The following FAM227B variants were observed in gnomAD, a reference collection of about 807,000 sequenced individuals.
FAM227B encodes the protein protein FAM227B.
FAM227B carries 88 observed loss-of-function variants against 73.8 expected under a neutral mutation model. That is an observed-to-expected ratio of 1.19 (90% CI 1.00 to 1.42). FAM227B has a LOEUF of 1.42. FAM227B is among the 40% of genes most tolerant of loss of function. The pLI is 0.00. For missense variants in FAM227B, 632 were observed against 590.9 expected, an observed-to-expected ratio of 1.07 and a Z score of -0.72; for synonymous variants, 210 against 190.5, an observed-to-expected ratio of 1.10 and a Z score of -0.84.
At chr15:49,341,367 G>A (rs1173467266) in intron 13 of FAM227B, among the ~76,000 whole-genome samples, 2 of 152,082 alleles carry the variant, frequency 1.3e-5, no homozygotes, top group Non-Finnish European at 2.9e-5. Context: ...TAACAATATT[G>A]ATTCTTCCAA....
At chr15:49,409,982 A>G (rs1340496052) in intron 11 of FAM227B, among the ~76,000 whole-genome samples, 1 of 152,138 alleles carries the variant, frequency 6.6e-6, no homozygotes, top group African/African-American at 2.4e-5. Flanking sequence ...AGGATCATTC[A>G]GGCTCTAGTA....
intron 11 of FAM227B, among the ~76,000 whole-genome samples, chr15:49,500,224 T>C (rs1052260750): frequency 6.6e-6 from 1 of 152,090 alleles, no homozygotes; most frequent in Non-Finnish European, 1.5e-5. Context: ...ACTAACTAAA[T>C]AAATAAGCAT....
Position 49,394,925 on chromosome 15 carries a change from C to T in FAM227B, c.1013-23526G>A, listed in dbSNP as rs528339172. On this transcript the variant is annotated intron_variant, in intron 11 of 15. Transcript: ENST00000299338. ...TAATACACACACACAAACACACACA[C>T]GCATGCCAAACTTACAAATGTTCTC... Among the ~76,000 whole-genome samples, 3 of 152,242 alleles carry T rather than the reference C, an allele frequency of 2.0e-5. No individual in the cohort carries two copies. The East Asian group carries it at 5.8e-4, about 29-fold the overall frequency.
chr15:49,331,897 A>G (rs368439889), intron 14 of FAM227B, 48 bp from the exon 15 acceptor site: 2 of 1,073,186 alleles, frequency 1.9e-6, no homozygotes, highest in African/African-American at 3.1e-5. Context: ...TTGTCCTTAT[A>G]TTGACACCAT....
intron 11 of FAM227B, among the ~76,000 whole-genome samples, chr15:49,441,966 A>G (rs886345868): frequency 3.3e-5 from 5 of 151,598 alleles, no homozygotes; most frequent in Non-Finnish European, 3.0e-5. Context: ...CTGTCTGGCT[A>G]GAGCTCCTTG....
chr15:49,329,138 C>A, intron 15 of FAM227B: 1 of 989,614 alleles, frequency 1.0e-6, no homozygotes, highest in Non-Finnish European at 1.2e-6. Flanking sequence ...TATATATGCA[C>A]CCCATTGTAA....
chr15:49,561,539 T>C lies in FAM227B; in HGVS notation c.747+6706A>G, dbSNP rs112183388. 4.7e-3 allele frequency among the ~76,000 whole-genome samples: 713 copies of C among 152,248 alleles called. 8 individuals carry two copies. The highest frequency in any genetic ancestry group is 0.016 in the African/African-American group (674 of 41,554). On this transcript the variant is annotated intron_variant, in intron 9 of 15. Transcript: ENST00000299338. The stretch of plus-strand genomic sequence containing the variant: ...GACCTAACAAATATCTACAGAGCAC[T>C]CCACCCATCAACTAGAAATGTGCAT...
chr15:49,332,291 G>C (rs570393399), intron 14 of FAM227B, among the ~76,000 whole-genome samples: 2 of 152,152 alleles, frequency 1.3e-5, no homozygotes, highest in Non-Finnish European at 2.9e-5. Flanking sequence ...CTCTAGCCCA[G>C]ACTTTAAGGA....
At chr15:49,613,082 C>T (rs1463743984) in intron 2 of FAM227B, among the ~76,000 whole-genome samples, 1 of 152,110 alleles carries the variant, frequency 6.6e-6, no homozygotes, top group Non-Finnish European at 1.5e-5. Flanking sequence ...AGCACAGTGG[C>T]TCATGCCTAT....
chr15:49,390,506 A>G (rs1265618832), intron 11 of FAM227B, among the ~76,000 whole-genome samples: 2 of 152,064 alleles, frequency 1.3e-5, no homozygotes, highest in Admixed American at 6.6e-5. Context: ...CCAAAGTGGC[A>G]TTGTCATTTA....
At chr15:49,490,922 C>T (rs897676429) in intron 11 of FAM227B, among the ~76,000 whole-genome samples, 1 of 151,786 alleles carries the variant, frequency 6.6e-6, no homozygotes, top group East Asian at 1.9e-4. Context: ...TAAATATGAA[C>T]AATTTATATA....
chr15:49,526,397 T>A (rs1158828884), intron 10 of FAM227B, among the ~76,000 whole-genome samples: 3 of 151,990 alleles, frequency 2.0e-5, no homozygotes, highest in East Asian at 3.9e-4. Flanking sequence ...TATGGTAAAA[T>A]CTGTGCTGAG....
chr15:49,446,572 G>T (rs2052234697), intron 11 of FAM227B, among the ~76,000 whole-genome samples: 1 of 151,280 alleles, frequency 6.6e-6, no homozygotes, highest in African/African-American at 2.4e-5. Context: ...GGATTGGTTG[G>T]AGGATTTCAT....
At chr15:49,474,534 AAGAG>A (rs1275914606) in intron 11 of FAM227B, among the ~76,000 whole-genome samples, 2 of 152,206 alleles carry the variant, frequency 1.3e-5, no homozygotes, top group South Asian at 4.1e-4. Flanking sequence ...TAAAAGGTAA[AAGAG>A]AGGCATCAGT....
chr15:49,589,906 G>T lies in FAM227B; in HGVS notation c.207C>A (p.His69Gln). 6.3e-7 allele frequency: 1 copy of T among 1,590,942 alleles called. No individual in the cohort carries two copies. The highest frequency in any genetic ancestry group is 1.1e-5 in the South Asian group (1 of 90,574). ...ATATTCGAGGAACATTTTCCCATAG[G>T]TGTGTATAAATTGAAACAAATGAAC... ...EDSSFVSIYT[H>Q]LWENVPRIFE... Residue 69 changes from histidine (H) to glutamine (Q), a missense_variant, in exon 4 of 16, where the codon CAC becomes CAA. Physicochemically the swap from His to Gln is conservative, Grantham distance 24. Coordinates refer to ENST00000299338, the MANE Select transcript of FAM227B (RefSeq NM_152647.3).
chr15:49,445,852 A>C (rs912650888), intron 11 of FAM227B, among the ~76,000 whole-genome samples: 5 of 151,512 alleles, frequency 3.3e-5, no homozygotes, highest in Non-Finnish European at 7.4e-5. Context: ...ATTTCAAACT[A>C]AAATTTAGTA....
At chr15:49,517,562 A>G (rs971024846) in intron 10 of FAM227B, among the ~76,000 whole-genome samples, 12 of 152,194 alleles carry the variant, frequency 7.9e-5, no homozygotes, top group African/African-American at 2.7e-4. Flanking sequence ...ATGGATATAA[A>G]CTGTAAGAGA....
chr15:49,604,077 G>T (rs2077363269), intron 3 of FAM227B, among the ~76,000 whole-genome samples: 1 of 151,898 alleles, frequency 6.6e-6, no homozygotes, highest in Non-Finnish European at 1.5e-5. Flanking sequence ...AAATATTTTT[G>T]CCTTTTAACT....
At position 49,328,695 on chromosome 15, in the gene FAM227B, T is replaced by C. The variant is rs1404520623; in HGVS notation, c.1420-20A>G. On this transcript the variant is annotated intron_variant, in intron 15 of 15. Transcript: ENST00000299338. ...GGAACGCTATGAAAATAATACATGA[T>C]TAAAGTTTCACAGATCTTCTTGGAC... 1.3e-6 allele frequency: 2 copies of C among 1,549,808 alleles called. No homozygotes were observed. The highest frequency in any genetic ancestry group is 2.4e-5 in the East Asian group (1 of 40,930).
Sources: gnomAD v4.1 joint callset for allele counts (sites outside exome capture counted in the v4.1 genomes callset) on GRCh38, gnomAD v4.1.1 for gene constraint, MANE v1.5 for transcripts, NCBI Gene and HGNC (gene_info 2026-07-23, HGNC 2026-07-21) for gene names.